Variants in CEP250 observed in about 807,000 individuals in gnomAD.
CEP250 encodes centrosome-associated protein CEP250.
A neutral mutation model predicts 315.7 loss-of-function variants in CEP250; 242 were observed. That is an observed-to-expected ratio of 0.77 (90% CI 0.69 to 0.85). CEP250 has a LOEUF of 0.85. Among genes scored for constraint, CEP250 ranks in the 40% least tolerant of loss-of-function variants. The probability of loss-of-function intolerance (pLI) is 0.00; values close to 1 mark genes in which losing one functional copy is unlikely to be tolerated. For missense variants in CEP250, 2,515 were observed against 2,886.4 expected, an observed-to-expected ratio of 0.87 and a Z score of 2.95; for synonymous variants, 1,088 against 1,175.0, an observed-to-expected ratio of 0.93 and a Z score of 1.51.
intron 5 of CEP250, among the ~76,000 whole-genome samples, chr20:35,465,247 C>T (rs948776405): frequency 6.6e-6 from 1 of 152,022 alleles, no homozygotes; most frequent in African/African-American, 2.4e-5. Flanking sequence ...TGGCGAAACC[C>T]CATCTCTACT....
In CEP250 at chr20:35,511,791, G is replaced by T; in HGVS notation, c.*165G>T. 7.1e-7 allele frequency: 1 copy of T among 1,415,468 alleles called. No homozygotes were observed. Among genetic ancestry groups the T allele is most frequent in the Non-Finnish European group, 9.2e-7 (1 of 1,088,790 alleles). 87.7% of individuals were successfully genotyped at this position (1,415,468 alleles called of 1,614,324 possible). On this transcript the variant is annotated 3_prime_UTR_variant, in exon 35 of 35. Coordinates refer to ENST00000397527, the MANE Select transcript of CEP250 (RefSeq NM_007186.6). ...GGAAGTAAATCTGCAACCCTGGGGAGGACCCCAACTCACCTGGGAATGAGG... is the reference window on the plus strand; with the variant it reads ...GGAAGTAAATCTGCAACCCTGGGGATGACCCCAACTCACCTGGGAATGAGG...
At chr20:35,492,832 A>G (rs1217834167) in intron 22 of CEP250, among the ~76,000 whole-genome samples, 1 of 152,128 alleles carries the variant, frequency 6.6e-6, no homozygotes, top group Non-Finnish European at 1.5e-5. Context: ...GGTTCAAGCA[A>G]TTCTTGTGCC....
At chr20:35,465,937 C>T (rs1014461644) in intron 6 of CEP250, 102 bp from the exon 7 acceptor site, 3 of 1,539,106 alleles carry the variant, frequency 1.9e-6, no homozygotes, top group African/African-American at 2.7e-5. Context: ...CCCTCTAATT[C>T]CTGCAATGGA....
In CEP250 at chr20:35,494,098, C is replaced by A. The variant is rs1315332005; in HGVS notation, c.3034-426C>A. On this transcript the variant is annotated intron_variant, in intron 23 of 34. Transcript: ENST00000397527. ...TCAAGCAATTCTCCCACCTCAGCCC[C>A]CTGAGTAGCTGGGACTACAGATGTG... Among the ~76,000 whole-genome samples the A allele has an allele frequency of 4.6e-5, 7 of 152,172 alleles. No homozygotes were observed. The East Asian group carries it at 1.4e-3, about 29-fold the overall frequency.
chr20:35,482,563 A>AT (rs949342278), intron 20 of CEP250, among the ~76,000 whole-genome samples: 1 of 132,638 alleles, frequency 7.5e-6, no homozygotes, highest in Admixed American at 7.7e-5. Flanking sequence ...ATTTTTTTTT[A>AT]TTTTTTATTT....
chr20:35,469,100 A>G (rs550490500), intron 9 of CEP250, among the ~76,000 whole-genome samples: 29 of 152,308 alleles, frequency 1.9e-4, no homozygotes, highest in African/African-American at 7.0e-4. Context: ...ACTTGAGCCC[A>G]GGAGTTTGAG....
At chr20:35,484,516 C>T (rs978118580) in intron 20 of CEP250, among the ~76,000 whole-genome samples, 1 of 152,130 alleles carries the variant, frequency 6.6e-6, no homozygotes, top group Admixed American at 6.5e-5. Context: ...CCCCTCTCCA[C>T]ATCCCTCCAG....
intron 30 of CEP250, among the ~76,000 whole-genome samples, chr20:35,506,979 G>A (rs751898480): frequency 5.3e-5 from 8 of 152,096 alleles, no homozygotes; most frequent in Non-Finnish European, 1.0e-4. Flanking sequence ...ACATAACTCT[G>A]GTCAGAGTCA....
In CEP250 at chr20:35,503,151, G is replaced by T. The variant is rs41290924; in HGVS notation, c.4782G>T (p.Thr1594=). The change falls in exon 30 of 35, where the codon ACG becomes ACT. Residue 1594 remains threonine, a synonymous_variant. Transcript: ENST00000397527. The surrounding 1 kb of genome is among the most constrained non-coding windows in gnomAD (Gnocchi z 4.2). ...AGAGAGTGGCTTTGACCCACCTTAC[G>T]CTGGACCTAGAAGAAAGGAGCCAGG... ...ETQRVALTHL[T]LDLEERSQEL... 6.2e-7 allele frequency: 1 copy of T among 1,613,944 alleles called. No homozygotes were observed. Among genetic ancestry groups the T allele is most frequent in the Non-Finnish European group, 8.5e-7 (1 of 1,180,000 alleles).
rs1467682492 is a variant in CEP250 at position 35,500,343 on chromosome 20, A to C, written c.3898+174A>C. 6.6e-5 allele frequency among the ~76,000 whole-genome samples: 10 copies of C among 152,268 alleles called. No homozygotes were observed. In the East Asian group the frequency reaches 1.9e-3, roughly 29 times the overall value. ...AATGTCACGACTTCGGCTCGCTGCAACCTATGTCTTCCGAGCAGCTAGGAT... is the reference window on the plus strand; with the variant it reads ...AATGTCACGACTTCGGCTCGCTGCACCCTATGTCTTCCGAGCAGCTAGGAT... On this transcript the variant is annotated intron_variant, in intron 28 of 34. Transcript: ENST00000397527.
chr20:35,498,799 G>A, intron 27 of CEP250, 83 bp downstream of exon 27: 2 of 1,436,190 alleles, frequency 1.4e-6, no homozygotes, highest in South Asian at 1.5e-5. Flanking sequence ...AGTTTGACCT[G>A]TTTTATTCCT....
intron 14 of CEP250, 67 bp from the exon 15 acceptor site, chr20:35,475,435 C>T (rs549686588): frequency 6.7e-7 from 1 of 1,488,132 alleles, no homozygotes; most frequent in Non-Finnish European, 9.2e-7. Flanking sequence ...TGATTATATT[C>T]CTGTTACCTT....
chr20:35,465,624 G>T (rs2062857967), intron 5 of CEP250, 119 bp from the exon 6 acceptor site: 1 of 679,830 alleles, frequency 1.5e-6, no homozygotes. Context: ...GAAGCATATT[G>T]CTAACAAAGG....
At position 35,494,598 on chromosome 20, in the gene CEP250, G is replaced by A. The variant is rs1198844569; in HGVS notation, c.3108G>A (p.Lys1036=). The change falls in exon 24 of 35, where the codon AAG becomes AAA. Residue 1036 remains lysine (K), a synonymous_variant. Transcript: ENST00000397527. The stretch of plus-strand genomic sequence containing the variant: ...TGGTGGAGCAGGAGGTTCAGGAGAA[G>A]CTGAGAGAGACCCAGGAGTATAACC... The part of the protein sequence containing the change: ...QRLVEQEVQE[K]LRETQEYNRI... 6.2e-7 allele frequency: 1 copy of A among 1,614,044 alleles called. No homozygotes were observed. Among genetic ancestry groups the A allele is most frequent in the Non-Finnish European group, 8.5e-7 (1 of 1,180,028 alleles).
At chr20:35,476,234 T>G in intron 15 of CEP250, 1 of 446,378 alleles carries the variant, frequency 2.2e-6, no homozygotes, top group Non-Finnish European at 4.0e-6. Flanking sequence ...ACAATCATAG[T>G]CATTTCTCTA....
chr20:35,514,459 G>A lies in CEP250; in HGVS notation c.*2833G>A, dbSNP rs2064412452. 6.6e-6 allele frequency: 1 copy of A among 152,444 alleles called. No individual in the cohort carries two copies. Among genetic ancestry groups the A allele is most frequent in the South Asian group, 2.1e-4 (1 of 4,828 alleles). The allele number at this position is 152,444 out of a possible 1,614,324, so 9.4% of individuals were successfully genotyped here. On this transcript the variant is annotated 3_prime_UTR_variant, in exon 35 of 35. Coordinates refer to ENST00000397527, the MANE Select transcript of CEP250 (RefSeq NM_007186.6). ...AAGCAGGAGGGGACAAGAGTCGTCA[G>A]AGGCTGGGCAATGTTCTTGTTTCCG...
chr20:35,478,580 C>A (rs1359109224), intron 17 of CEP250, among the ~76,000 whole-genome samples: 1 of 152,130 alleles, frequency 6.6e-6, no homozygotes, highest in Admixed American at 6.6e-5. Context: ...AAAAAGAATT[C>A]TTCACTGATT....
In CEP250 at chr20:35,472,062, A is replaced by C. The variant is rs774294173; in HGVS notation, c.961A>C (p.Thr321Pro). Residue 321 changes from threonine to proline, a missense_variant, in exon 11 of 35, where the codon ACA becomes CCA. Transcript: ENST00000397527. Reference sequence around the variant, plus strand: ...ATTCCCTGTTCAGGAGACAAATCACACAGAATTAATGGAACATGAAGCATC... The same window carrying C: ...ATTCCCTGTTCAGGAGACAAATCACCCAGAATTAATGGAACATGAAGCATC... ...ETVEILETNHTELMEHEASLS... is the reference protein window; with the variant it reads ...ETVEILETNHPELMEHEASLS... The C allele has an allele frequency of 6.2e-7, 1 of 1,607,284 alleles. No individual in the cohort carries two copies. Among genetic ancestry groups the C allele is most frequent in the Non-Finnish European group, 8.5e-7 (1 of 1,173,806 alleles).
At position 35,503,356 on chromosome 20, in the gene CEP250, CAGA is replaced by C. The variant is rs1451798723; in HGVS notation, c.4990_4992del (p.Lys1664del). The C allele has an allele frequency of 6.2e-7, 1 of 1,614,076 alleles. No individual in the cohort carries two copies. Among genetic ancestry groups the C allele is most frequent in the Admixed American group, 1.7e-5 (1 of 60,002 alleles). On this transcript the variant is annotated inframe_deletion, in exon 30 of 35. Transcript: ENST00000397527. This position sits in a 1 kb window ranked among gnomAD's most constrained non-coding sequence, Gnocchi z 4.2. ...GAGGAGAGACCAGGAGCTGATGCTG[CAGA>C]AGGAGAGGATTCAGGTTCTCGAGGA...
Sources: allele counts gnomAD v4.1 joint callset (sites outside exome capture counted in the v4.1 genomes callset), GRCh38; gene constraint gnomAD v4.1.1; non-coding constraint Gnocchi (gnomAD v3.1); transcripts MANE v1.5; gene names NCBI Gene and HGNC (gene_info 2026-07-23, HGNC 2026-07-21).